Variants in KIF1A observed in about 807,000 individuals in gnomAD.
KIF1A encodes the protein kinesin family member 1A, also known as kinesin-like protein KIF1A.
Under a neutral mutation model 227.3 loss-of-function variants are expected in KIF1A, and 46 were observed. The ratio of observed to expected loss-of-function variants is 0.20; its 90% CI spans 0.16 to 0.26. The LOEUF (loss-of-function observed/expected upper bound fraction) is 0.26. KIF1A is among the 10% of genes least tolerant of loss of function. The probability of loss-of-function intolerance (pLI) is 1.00; values close to 1 mark genes in which losing one functional copy is unlikely to be tolerated. For synonymous variants in KIF1A, 1,022 were observed against 1,012.8 expected (o/e 1.01, Z -0.17); for missense variants, 1,683 against 2,485.9 (o/e 0.68, Z 6.87).
In KIF1A at chr2:240,740,027, C is replaced by T. The variant is rs1176860193; in HGVS notation, c.3901+31G>A. 3 of 1,543,150 alleles carry T rather than the reference C, an allele frequency of 1.9e-6. No homozygotes were observed. The highest frequency in any genetic ancestry group is 3.4e-4 in the Middle Eastern group (2 of 5,918). Reference sequence around the variant, plus strand: ...TACTCTTCCCACCAGCTCAGCCCCACCCACCAAGGCAGCCCCCACACCGCA... The same window carrying T: ...TACTCTTCCCACCAGCTCAGCCCCATCCACCAAGGCAGCCCCCACACCGCA... On this transcript the variant is annotated intron_variant, in intron 37 of 48. Transcript: ENST00000498729. The surrounding 1 kb of genome is among the most constrained non-coding windows in gnomAD (Gnocchi z 6.1).
Position 240,820,038 on chromosome 2 carries a change from G to A in KIF1A, c.-61+84C>T, listed in dbSNP as rs2058619787. The A allele has an allele frequency of 6.5e-6, 1 of 152,684 alleles. No individual in the cohort carries two copies. Among genetic ancestry groups the A allele is most frequent in the African/African-American group, 2.4e-5 (1 of 41,264 alleles). The allele number at this position is 152,684 out of a possible 1,614,324, so 9.5% of individuals were successfully genotyped here. A position where few individuals can be genotyped will look rare whatever the true frequency, so the allele number is the denominator to read the frequency against. On this transcript the variant is annotated intron_variant, in intron 1 of 48. Transcript: ENST00000498729. The surrounding 1 kb of genome is among the most constrained non-coding windows in gnomAD (Gnocchi z 6.2). The stretch of plus-strand genomic sequence containing the variant: ...CCCGCCCTGGGCGCAGTGGGTGCAG[G>A]TGCGGGCTGCGGGCGCGGGCTGCCG...
At chr2:240,718,306 A>G in intron 47 of KIF1A, 138 bp from the exon 48 acceptor site, 2 of 705,374 alleles carry the variant, frequency 2.8e-6, no homozygotes, top group Non-Finnish European at 5.1e-6. Context: ...GGGGACAAAG[A>G]GGGGAAGGCT....
At chr2:240,772,977 G>A (rs1293305705) in intron 13 of KIF1A, 137 bp downstream of exon 13, 1 of 909,874 alleles carries the variant, frequency 1.1e-6, no homozygotes. Flanking sequence ...GGGGCTCTGG[G>A]AGCGGTGTGG....
At chr2:240,781,452 CA>C (rs1301540209) in intron 10 of KIF1A, among the ~76,000 whole-genome samples, 4 of 64,194 alleles carry the variant, frequency 6.2e-5, no homozygotes, top group African/African-American at 9.6e-5. Context: ...CACACACACA[CA>C]CACACAGCTC....
At position 240,757,341 on chromosome 2, in the gene KIF1A, G is replaced by A; in HGVS notation, c.2836C>T (p.Pro946Ser). 6.4e-7 allele frequency: 1 copy of A among 1,550,726 alleles called. No homozygotes were observed. Among genetic ancestry groups the A allele is most frequent in the South Asian group, 1.2e-5 (1 of 84,060 alleles). Reference protein sequence around the residue: ...DGRDPFYDRPPLFSLVGRAFV... With the variant: ...DGRDPFYDRPSLFSLVGRAFV... ...AACCTTCCTACTAAACTGAACAGGG[G>A]GGGCCGGTCGTAAAACGGGTCCCGG... The change falls in exon 27 of 49, where the codon CCC becomes TCC. Residue 946 changes from proline (P) to serine (S), a missense_variant. Physicochemically the swap from Pro to Ser is moderately conservative, Grantham distance 74. Transcript: ENST00000498729. This position sits in a 1 kb window ranked among gnomAD's most constrained non-coding sequence, Gnocchi z 6.2.
intron 28 of KIF1A, among the ~76,000 whole-genome samples, chr2:240,747,877 C>T (rs1420169106): frequency 6.6e-6 from 1 of 152,246 alleles, no homozygotes; most frequent in African/African-American, 2.4e-5. Context: ...CTCTGTCCTG[C>T]CATGGTCTGT....
intron 10 of KIF1A, among the ~76,000 whole-genome samples, chr2:240,781,393 C>A (rs1182056306): frequency 2.7e-5 from 1 of 36,398 alleles, no homozygotes; most frequent in Non-Finnish European, 4.6e-5. Context: ...ACACACAGCT[C>A]CACACACACA....
chr2:240,767,194 G>T, intron 18 of KIF1A, 72 bp downstream of exon 18: 1 of 1,328,400 alleles, frequency 7.5e-7, no homozygotes, highest in Non-Finnish European at 1.1e-6. Flanking sequence ...AAGCAGGAAT[G>T]GGGAGTCCAG....
intron 10 of KIF1A, among the ~76,000 whole-genome samples, chr2:240,780,503 G>A (rs376384251): frequency 1.3e-5 from 2 of 152,062 alleles, no homozygotes; most frequent in African/African-American, 4.8e-5. Context: ...TTCCTCACAC[G>A]GTTTCTCACA....
chr2:240,750,004 C>T (rs746477830), intron 28 of KIF1A, among the ~76,000 whole-genome samples: 25 of 152,344 alleles, frequency 1.6e-4, no homozygotes, highest in South Asian at 4.1e-4. Context: ...AATGTGTTGA[C>T]AGAGAGCACT....
At chr2:240,732,939 G>T (rs1275541483) in intron 38 of KIF1A, among the ~76,000 whole-genome samples, 1 of 133,442 alleles carries the variant, frequency 7.5e-6, no homozygotes, top group Admixed American at 7.4e-5. Context: ...ATAAGGGGAT[G>T]GGGAAGGGTA....
intron 1 of KIF1A, among the ~76,000 whole-genome samples, chr2:240,807,435 A>T (rs1320706284): frequency 3.9e-5 from 6 of 152,100 alleles, no homozygotes; most frequent in Non-Finnish European, 7.3e-5. Context: ...GAGCCACCGC[A>T]CCCAGCCCCT....
chr2:240,798,047 A>G (rs528457849), intron 1 of KIF1A: 25 of 316,684 alleles, frequency 7.9e-5, no homozygotes, highest in Non-Finnish European at 1.4e-4. Context: ...AAACCCAACA[A>G]AAGAAACAGA....
rs1398396269 is a variant in KIF1A at position 240,719,113 on chromosome 2, G to A, written c.5107C>T (p.Pro1703Ser). The change falls in exon 47 of 49, where the codon CCC becomes TCC. Residue 1703 changes from proline (P) to serine (S), a missense_variant. By Grantham distance (74) the Pro-to-Ser change is moderately conservative (BLOSUM62 -1). This residue lies in a region of KIF1A where 384 missense variants were observed against 410.1 expected (regional missense o/e 0.94). Transcript: ENST00000498729. The part of the protein sequence containing the change: ...WARRFVVVRR[P>S]YAYMYNSDKD... ...TCGCTGTTGTACATGTAGGCATAGG[G>A]GCGCCGCACCACCACGAAGCGCCTG... 1.2e-6 allele frequency: 2 copies of A among 1,612,470 alleles called. No homozygotes were observed. Among genetic ancestry groups the A allele is most frequent in the Admixed American group, 1.7e-5 (1 of 59,958 alleles).
In KIF1A at chr2:240,731,754, G is replaced by A. The variant is rs760668797; in HGVS notation, c.4008-4814C>T. On this transcript the variant is annotated intron_variant, in intron 38 of 48. Transcript: ENST00000498729. ...TGGGAAGACCCCCACAGTCCCCCTC[G>A]CCCTGGCTGACACTGTCGCTGGACT... 1.4e-4 allele frequency among the ~76,000 whole-genome samples: 21 copies of A among 152,218 alleles called. No individual in the cohort carries two copies. The East Asian group carries it at 2.3e-3, about 17-fold the overall frequency.
rs542220900 is a variant in KIF1A, at chr2:240,758,419, G to T, written c.2523C>A (p.Asn841Lys). The T allele has an allele frequency of 6.2e-7, 1 of 1,612,930 alleles. No individual in the cohort carries two copies. Among genetic ancestry groups the T allele is most frequent in the Middle Eastern group, 1.7e-4 (1 of 6,058 alleles). The part of the protein sequence containing the change: ...VPSSVIEDCD[N>K]VVTGGDPFYD... The stretch of plus-strand genomic sequence containing the variant: ...AGAAGGGGTCTCCGCCGGTCACCAC[G>T]TTGTCACAGTCCTCGATGACACTGG... Residue 841 changes from asparagine (N) to lysine (K), a missense_variant, in exon 26 of 49, where the codon AAC (asparagine) becomes AAA (lysine). By Grantham distance (94) the Asn-to-Lys change is moderately conservative. This residue lies in a region of KIF1A where 759 missense variants were observed against 1,020.2 expected (regional missense o/e 0.74). Transcript: ENST00000498729. This position sits in a 1 kb window ranked among gnomAD's most constrained non-coding sequence, Gnocchi z 5.2.
rs1451547048 is a variant in KIF1A at position 240,793,984 on chromosome 2, CT to C, written c.106+3662del. On this transcript the variant is annotated intron_variant, in intron 2 of 48. Transcript: ENST00000498729. This position sits in a 1 kb window ranked among gnomAD's most constrained non-coding sequence, Gnocchi z 4.8. The stretch of plus-strand genomic sequence containing the variant: ...CCACTCCCAATTCTATTGATCTGAG[CT>C]GCAGCTGAGAAGTCACCAGGGACGG... Among the ~76,000 whole-genome samples, 30 of 152,336 alleles carry C rather than the reference CT, an allele frequency of 2.0e-4. No individual in the cohort carries two copies. The highest frequency in any genetic ancestry group is 6.7e-4 in the African/African-American group (28 of 41,574).
chr2:240,788,308 G>A lies in KIF1A; in HGVS notation c.184-78C>T. On this transcript the variant is annotated intron_variant, in intron 3 of 48. Coordinates refer to ENST00000498729, the MANE Select transcript of KIF1A (RefSeq NM_001244008.2). The surrounding 1 kb of genome is among the most constrained non-coding windows in gnomAD (Gnocchi z 6.6). The stretch of plus-strand genomic sequence containing the variant: ...CAGCCCATCATGTCTGCGGAGCCAG[G>A]GGATGCCCAGGGCCTCAGGGTGCCA... 8 of 1,356,904 alleles carry A rather than the reference G, an allele frequency of 5.9e-6. No homozygotes were observed. Among genetic ancestry groups the A allele is most frequent in the South Asian group, 1.2e-5 (1 of 81,728 alleles). 84.1% of individuals were successfully genotyped at this position (1,356,904 alleles called of 1,614,324 possible).
intron 2 of KIF1A, among the ~76,000 whole-genome samples, chr2:240,791,854 C>T (rs1035207340): frequency 1.3e-5 from 2 of 151,996 alleles, no homozygotes; most frequent in Non-Finnish European, 2.9e-5. Context: ...GTCCTGGGCC[C>T]CCACCCCTCC....
Sources: gnomAD v4.1 joint callset for allele counts (sites outside exome capture counted in the v4.1 genomes callset) on GRCh38, gnomAD v4.1.1 for gene constraint, gnomAD v4.1.1 regional missense constraint, Gnocchi (gnomAD v3.1) non-coding constraint, MANE v1.5 for transcripts, NCBI Gene and HGNC (gene_info 2026-07-23, HGNC 2026-07-21) for gene names.